The following ADGRF1 variants were observed in gnomAD, a reference collection of about 807,000 sequenced individuals.
ADGRF1 encodes G protein-coupled receptor 110.
In ADGRF1, 85 loss-of-function variants were observed where a neutral mutation model predicts 87.2. The observed-to-expected ratio is 0.97, with a 90% confidence interval of 0.82 to 1.17. The LOEUF (loss-of-function observed/expected upper bound fraction) is 1.17, where lower values mean the gene tolerates loss of function less well. Among genes scored for constraint, ADGRF1 ranks in the 50% most tolerant of loss-of-function variants. The probability of loss-of-function intolerance (pLI) is 0.00; values close to 1 mark genes in which losing one functional copy is unlikely to be tolerated. For missense variants in ADGRF1, 1,169 were observed against 1,077.2 expected, an observed-to-expected ratio of 1.09 and a Z score of -1.19; for synonymous variants, 430 against 408.8, an observed-to-expected ratio of 1.05 and a Z score of -0.63.
At chr6:47,040,305 T>C (rs947504862) in intron 1 of ADGRF1, among the ~76,000 whole-genome samples, 2 of 151,988 alleles carry the variant, frequency 1.3e-5, no homozygotes, top group Admixed American at 6.5e-5. Context: ...ACCCTGTCTC[T>C]AATAAAAATA....
At chr6:47,011,914 C>T (rs1272387634) in intron 10 of ADGRF1, 93 bp downstream of exon 10, 1 of 1,208,968 alleles carries the variant, frequency 8.3e-7, no homozygotes, top group African/African-American at 1.5e-5. Context: ...GGCTTTCTGT[C>T]TTTTCCAATA....
chr6:47,023,378 G>T (rs1161554795), intron 5 of ADGRF1, among the ~76,000 whole-genome samples: 2 of 152,156 alleles, frequency 1.3e-5, no homozygotes. Context: ...CTCACTCTTT[G>T]CTCAGTTCCA....
chr6:47,024,387 T>A (rs1780163288), intron 4 of ADGRF1, 170 bp from the exon 5 acceptor site: 2 of 543,784 alleles, frequency 3.7e-6, no homozygotes, highest in East Asian at 6.2e-5. Flanking sequence ...TGATCTCAGC[T>A]CACTGCAACC....
intron 4 of ADGRF1, 60 bp from the exon 5 acceptor site, chr6:47,024,277 G>T: frequency 8.5e-7 from 1 of 1,182,690 alleles, no homozygotes. Flanking sequence ...CTACTGCTGA[G>T]CAGTGATTTT....
At position 47,000,250 on chromosome 6, in the gene ADGRF1, A is replaced by AT; in HGVS notation, c.2704dup (p.Met902AsnfsTer9). 6.2e-7 allele frequency: 1 copy of AT among 1,609,090 alleles called. No homozygotes were observed. The highest frequency in any genetic ancestry group is 1.3e-5 in the African/African-American group (1 of 74,978). On this transcript the variant is annotated frameshift_variant, in exon 15 of 15. Transcript: ENST00000371253. LOFTEE classifies it high-confidence loss of function. The stretch of plus-strand genomic sequence containing the variant: ...TTCATTTGAGACAAACTGAGTTAGC[A>AT]TGATGTTGTCGGAGGAATCTCCAGT...
At chr6:47,021,186 G>T (rs1295794820) in intron 6 of ADGRF1, among the ~76,000 whole-genome samples, 2 of 152,118 alleles carry the variant, frequency 1.3e-5, no homozygotes, top group Non-Finnish European at 2.9e-5. Context: ...ATTTGCTCGG[G>T]TCTTCAGTTA....
chr6:47,024,091 C>T lies in ADGRF1; in HGVS notation c.404G>A (p.Cys135Tyr), dbSNP rs1305088488. Residue 135 changes from cysteine (C) to tyrosine (Y), a missense_variant, in exon 5 of 15, where the codon TGT (cysteine) becomes TAT (tyrosine). Transcript: ENST00000371253. ...HTAGALPSCE[C>Y]HLNNLSQSVN... ...ACTCTGGCTGAGGTTGTTGAGATGA[C>T]ATTCACAGCTTGGGAGTGCTCCAGC... 1 of 1,614,128 alleles carries T rather than the reference C, an allele frequency of 6.2e-7. No homozygotes were observed.
chr6:47,037,819 T>C (rs975048821), intron 1 of ADGRF1, among the ~76,000 whole-genome samples: 1 of 152,120 alleles, frequency 6.6e-6, no homozygotes, highest in Non-Finnish European at 1.5e-5. Flanking sequence ...AGCCCCATTA[T>C]GGATTTTAAA....
chr6:47,014,903 T>C, intron 8 of ADGRF1, 59 bp from the exon 9 acceptor site: 9 of 1,506,972 alleles, frequency 6.0e-6, no homozygotes, highest in East Asian at 2.3e-5. Context: ...GCACTCTATA[T>C]AAACCATGTA....
At chr6:47,032,360 C>T (rs544332596) in intron 1 of ADGRF1, among the ~76,000 whole-genome samples, 8 of 152,222 alleles carry the variant, frequency 5.3e-5, no homozygotes, top group African/African-American at 1.9e-4. Context: ...ACAAGGTACC[C>T]TCAAAATTTT....
intron 1 of ADGRF1, among the ~76,000 whole-genome samples, chr6:47,030,581 T>TGC (rs1394308455): frequency 1.4e-5 from 2 of 142,866 alleles, no homozygotes; most frequent in Non-Finnish European, 3.0e-5. Context: ...TGAATATGTG[T>TGC]GTGTGTGTGT....
chr6:47,021,003 C>T (rs779162741), intron 6 of ADGRF1, among the ~76,000 whole-genome samples: 8 of 152,272 alleles, frequency 5.3e-5, no homozygotes, highest in East Asian at 3.9e-4. Context: ...TACATATACA[C>T]GTATAAAATG....
intron 10 of ADGRF1, among the ~76,000 whole-genome samples, chr6:47,010,757 A>C (rs1779682217): frequency 1.3e-5 from 2 of 152,246 alleles, no homozygotes; most frequent in Admixed American, 1.3e-4. Flanking sequence ...CAAAACTCAC[A>C]TAAGAGATGC....
intron 7 of ADGRF1, chr6:47,020,457 T>C (rs1225629054): frequency 3.9e-6 from 5 of 1,284,330 alleles, no homozygotes; most frequent in Non-Finnish European, 5.4e-6. Context: ...TGAGCCTAGA[T>C]TGTGCCATTG....
chr6:47,010,601 T>C (rs1335041983), intron 10 of ADGRF1, among the ~76,000 whole-genome samples: 1 of 152,196 alleles, frequency 6.6e-6, no homozygotes, highest in Non-Finnish European at 1.5e-5. Context: ...AATCCTGCAA[T>C]TTCAGCTGCA....
intron 5 of ADGRF1, 123 bp downstream of exon 5, chr6:47,023,921 C>T (rs768277453): frequency 3.6e-6 from 3 of 839,654 alleles, no homozygotes; most frequent in Non-Finnish European, 5.5e-6. Context: ...CATGATGTAT[C>T]ATCACTGTCC....
chr6:47,010,593 T>C (rs1779676512), intron 10 of ADGRF1, among the ~76,000 whole-genome samples: 1 of 152,148 alleles, frequency 6.6e-6, no homozygotes, highest in East Asian at 1.9e-4. Flanking sequence ...TGAGAAAGAA[T>C]CCTGCAATTT....
rs868640505 is a variant in ADGRF1 at position 47,010,977 on chromosome 6, C to G, written c.1117-659G>C. Among the ~76,000 whole-genome samples the G allele has an allele frequency of 9.0e-3, 1,364 of 152,246 alleles. 17 individuals are homozygous for G. Among genetic ancestry groups the G allele is most frequent in the African/African-American group, 0.031 (1,278 of 41,532 alleles). On this transcript the variant is annotated intron_variant, in intron 10 of 14. Transcript: ENST00000371253. ...CTTCTCTTGCTTATGGGTCTGGCTC[C>G]CAGACACTCTGGCTGCAAGCATCTG...
intron 9 of ADGRF1, chr6:47,012,634 G>A: frequency 1.0e-6 from 1 of 989,126 alleles, no homozygotes; most frequent in Non-Finnish European, 1.2e-6. Flanking sequence ...AAAATGTTAG[G>A]GTAGGTCTAC....
Sources: gnomAD v4.1 joint callset for allele counts (sites outside exome capture counted in the v4.1 genomes callset) on GRCh38, gnomAD v4.1.1 for gene constraint, MANE v1.5 for transcripts, NCBI Gene and HGNC (gene_info 2026-07-23, HGNC 2026-07-21) for gene names.